Variants in GRK5 observed in about 807,000 individuals in gnomAD.
GRK5 encodes G protein-coupled receptor kinase 5.
Under a neutral mutation model 78.4 loss-of-function variants are expected in GRK5, and 40 were observed. The observed-to-expected ratio is 0.51, with a 90% CI of 0.40 to 0.66. The LOEUF (loss-of-function observed/expected upper bound fraction) is 0.66. GRK5 is among the 30% of genes least tolerant of loss of function. The probability of loss-of-function intolerance (pLI) is 0.00; values close to 1 mark genes in which losing one functional copy is unlikely to be tolerated. For synonymous variants in GRK5, 289 were observed against 296.8 expected (o/e 0.97, Z 0.27); for missense variants, 598 against 759.9 (o/e 0.79, Z 2.50).
intron 1 of GRK5, among the ~76,000 whole-genome samples, chr10:119,221,145 A>C (rs975814368): frequency 2.6e-5 from 4 of 151,952 alleles, no homozygotes; most frequent in Non-Finnish European, 5.9e-5. Context: ...GACAAAGTAA[A>C]ACTATATCTC....
rs1395788559 is a variant in GRK5 at position 119,455,133 on chromosome 10, A to G, written c.*66A>G. 7.8e-7 allele frequency: 1 copy of G among 1,278,092 alleles called. No individual in the cohort carries two copies. The highest frequency in any genetic ancestry group is 1.1e-6 in the Non-Finnish European group (1 of 876,452). The allele number at this position is 1,278,092 out of a possible 1,614,324, so 79.2% of individuals were successfully genotyped here. A position where few individuals can be genotyped will look rare whatever the true frequency, so the allele number is the denominator to read the frequency against. ...GACCCTTCTCCTTAGAAGTGGAAGT[A>G]GTGGAGCCCCTGCTCTGGTGGGGCT... On this transcript the variant is annotated 3_prime_UTR_variant, in exon 16 of 16. Transcript: ENST00000392870.
intron 14 of GRK5, 101 bp from the exon 15 acceptor site, chr10:119,453,042 CAG>C: frequency 2.3e-6 from 2 of 887,506 alleles, no homozygotes; most frequent in Non-Finnish European, 3.8e-6. Context: ...GCGTGTGGCT[CAG>C]GGGCAGGTGA....
rs151138088 is a variant in GRK5 at position 119,248,893 on chromosome 10, G to C, written c.52+40924G>C. On this transcript the variant is annotated intron_variant, in intron 1 of 15. Transcript: ENST00000392870. ...GGCCCACCTAGAATATTTACCATCTGGCCTTTTACAGAAAACATTTGCCGA... is the reference window on the plus strand; with the variant it reads ...GGCCCACCTAGAATATTTACCATCTCGCCTTTTACAGAAAACATTTGCCGA... Among the ~76,000 whole-genome samples the C allele has an allele frequency of 3.6e-3, 554 of 152,018 alleles. 5 individuals carry two copies. Among genetic ancestry groups the C allele is most frequent in the African/African-American group, 0.013 (533 of 41,466 alleles).
chr10:119,376,929 G>T (rs560246241), intron 2 of GRK5, among the ~76,000 whole-genome samples: 2 of 152,298 alleles, frequency 1.3e-5, no homozygotes, highest in South Asian at 4.1e-4. Context: ...GATCAATGAG[G>T]CACATGGAAA....
At chr10:119,340,308 A>G (rs1364084345) in intron 2 of GRK5, among the ~76,000 whole-genome samples, 1 of 152,024 alleles carries the variant, frequency 6.6e-6, no homozygotes, top group Non-Finnish European at 1.5e-5. Flanking sequence ...TGTATTTTTA[A>G]TAGAGACAGG....
At chr10:119,220,089 G>A (rs760483066) in intron 1 of GRK5, among the ~76,000 whole-genome samples, 4 of 152,170 alleles carry the variant, frequency 2.6e-5, no homozygotes, top group Non-Finnish European at 4.4e-5. Flanking sequence ...CAAGGAAAAC[G>A]TATGTTAACT....
chr10:119,459,400 T>C lies in GRK5; in HGVS notation c.*4333T>C, dbSNP rs765330436. 6.7e-6 allele frequency: 1 copy of C among 148,914 alleles called. No individual in the cohort carries two copies. The highest frequency in any genetic ancestry group is 2.4e-5 in the African/African-American group (1 of 41,274). The allele number at this position is 148,914 out of a possible 1,614,324, so 9.2% of individuals were successfully genotyped here. ...AGCTCTCCCTGGCAGAGAAAGACAC[T>C]TCCCCCCCAAAGTGGAATTTAGATG... On this transcript the variant is annotated 3_prime_UTR_variant, in exon 16 of 16. Transcript: ENST00000392870.
intron 1 of GRK5, among the ~76,000 whole-genome samples, chr10:119,231,794 G>A (rs541200525): frequency 5.3e-5 from 8 of 151,268 alleles, no homozygotes; most frequent in African/African-American, 1.5e-4. Flanking sequence ...TTATCTCACC[G>A]CAGTTAAAAT....
At chr10:119,442,201 TCA>T in intron 11 of GRK5, 113 bp downstream of exon 11, 1 of 827,110 alleles carries the variant, frequency 1.2e-6, no homozygotes, top group Non-Finnish European at 2.0e-6. Flanking sequence ...GCACTGCTGA[TCA>T]CACACAGAGT....
In GRK5 at chr10:119,448,205, A is replaced by G. The variant is rs1292763879; in HGVS notation, c.1349A>G (p.Asn450Ser). 1 of 1,593,048 alleles carries G rather than the reference A, an allele frequency of 6.3e-7. No homozygotes were observed. Among genetic ancestry groups the G allele is most frequent in the Admixed American group, 1.8e-5 (1 of 56,318 alleles). Reference protein sequence around the residue: ...AEVKRHPFFRNMNFKRLEAGM... With the variant: ...AEVKRHPFFRSMNFKRLEAGM... Reference sequence around the variant, plus strand: ...GTCAAGAGACACCCCTTCTTCAGGAACATGAACTTCAAGCGCTTAGAAGCC... The same window carrying G: ...GTCAAGAGACACCCCTTCTTCAGGAGCATGAACTTCAAGCGCTTAGAAGCC... The change falls in exon 13 of 16, where the codon AAC (asparagine) becomes AGC (serine). Residue 450 changes from asparagine to serine, a missense_variant. Transcript: ENST00000392870.
intron 1 of GRK5, among the ~76,000 whole-genome samples, chr10:119,241,151 C>T (rs746129948): frequency 4.6e-5 from 7 of 152,140 alleles, no homozygotes; most frequent in Non-Finnish European, 1.0e-4. Flanking sequence ...AGCAGATAGC[C>T]CTCCTCCTCC....
intron 1 of GRK5, among the ~76,000 whole-genome samples, chr10:119,232,887 C>G (rs1248417549): frequency 6.6e-6 from 1 of 152,212 alleles, no homozygotes; most frequent in East Asian, 1.9e-4. Flanking sequence ...ATGCTAATTA[C>G]CCTGATCTGA....
chr10:119,402,574 C>T (rs181103171), intron 4 of GRK5, among the ~76,000 whole-genome samples: 3 of 152,272 alleles, frequency 2.0e-5, no homozygotes, highest in Admixed American at 1.3e-4. Context: ...ATTTTATGGC[C>T]GGGTGCAGTG....
intron 13 of GRK5, 98 bp downstream of exon 13, chr10:119,448,358 CA>C: frequency 7.4e-7 from 1 of 1,349,572 alleles, no homozygotes; most frequent in Admixed American, 2.8e-5. Flanking sequence ...GAGTGTGGGG[CA>C]CATCGTGTCT....
intron 2 of GRK5, among the ~76,000 whole-genome samples, chr10:119,340,499 A>G (rs1369648784): frequency 6.6e-6 from 1 of 152,240 alleles, no homozygotes; most frequent in Non-Finnish European, 1.5e-5. Flanking sequence ...TTCCAAAACA[A>G]TTTTAAAAGG....
chr10:119,388,825 T>C (rs1851840032), intron 3 of GRK5, among the ~76,000 whole-genome samples: 1 of 152,194 alleles, frequency 6.6e-6, no homozygotes, highest in Non-Finnish European at 1.5e-5. Flanking sequence ...AGCTGGAGGA[T>C]CTGCATCCAC....
At chr10:119,309,106 G>A (rs183802855) in intron 1 of GRK5, among the ~76,000 whole-genome samples, 151 of 152,342 alleles carry the variant, frequency 9.9e-4, no homozygotes, top group Middle Eastern at 6.8e-3. Context: ...CAGGGCTGGT[G>A]CGTGAGGGAC....
intron 1 of GRK5, among the ~76,000 whole-genome samples, chr10:119,282,708 C>T (rs1281643981): frequency 6.6e-6 from 1 of 152,194 alleles, no homozygotes; most frequent in East Asian, 1.9e-4. Flanking sequence ...CAGCTGGGCA[C>T]AGAACTACCT....
rs1473392927 is a variant in GRK5 at position 119,436,633 on chromosome 10, C to T, written c.739-18C>T. 6.2e-7 allele frequency: 1 copy of T among 1,613,688 alleles called. No individual in the cohort carries two copies. Among genetic ancestry groups the T allele is most frequent in the South Asian group, 1.1e-5 (1 of 91,018 alleles). On this transcript the variant is annotated intron_variant, in intron 8 of 15. Transcript: ENST00000392870. Reference sequence around the variant, plus strand: ...CCATTGTCACAACCTCCCCATGGCACTGTTCTTGTGCTCCCAGGTCAACCT... The same window carrying T: ...CCATTGTCACAACCTCCCCATGGCATTGTTCTTGTGCTCCCAGGTCAACCT...
Sources: gnomAD v4.1 joint callset for allele counts (sites outside exome capture counted in the v4.1 genomes callset) on GRCh38, gnomAD v4.1.1 for gene constraint, MANE v1.5 for transcripts, NCBI Gene and HGNC (gene_info 2026-07-23, HGNC 2026-07-21) for gene names.